NWD2: variants seen among roughly 807,000 people sequenced by gnomAD.
NWD2 encodes the protein NACHT and WD repeat domain-containing protein 2.
Under a neutral mutation model 132.7 loss-of-function variants are expected in NWD2, and 37 were observed. The observed-to-expected ratio is 0.28, with a 90% CI of 0.21 to 0.37. The LOEUF is 0.37. Ranked by LOEUF, NWD2 falls within the 10% of genes least tolerant of loss-of-function variation. The pLI, the probability that NWD2 is intolerant of heterozygous loss-of-function variation, is 1.00. For synonymous variants in NWD2, 705 were observed against 803.0 expected (o/e 0.88, Z 2.06); for missense variants, 1,592 against 2,122.4 (o/e 0.75, Z 4.91).
intron 2 of NWD2, among the ~76,000 whole-genome samples, chr4:37,345,526 G>A (rs553734876): frequency 1.8e-3 from 275 of 152,114 alleles, no homozygotes; most frequent in Non-Finnish European, 2.4e-3. Flanking sequence ...TACTCAGATC[G>A]TTTGCCCATT....
intron 1 of NWD2, among the ~76,000 whole-genome samples, chr4:37,267,056 T>A (rs7653914): frequency 0.26 from 39,013 of 151,748 alleles, 5,522 homozygotes; most frequent in South Asian, 0.38. Context: ...AAAGGACATA[T>A]AGCAAAGAGA....
chr4:37,318,113 C>T (rs1208527324), intron 1 of NWD2, among the ~76,000 whole-genome samples: 2 of 151,252 alleles, frequency 1.3e-5, no homozygotes, highest in Admixed American at 1.3e-4. Context: ...GCAACCTCCA[C>T]CTCCCAAGTT....
chr4:37,380,885 C>G (rs1720439294), intron 3 of NWD2, among the ~76,000 whole-genome samples: 1 of 152,114 alleles, frequency 6.6e-6, no homozygotes, highest in African/African-American at 2.4e-5. Context: ...CTTGATGGAG[C>G]CCAAGAGTTA....
intron 3 of NWD2, among the ~76,000 whole-genome samples, chr4:37,380,651 A>C (rs1374615464): frequency 6.6e-6 from 1 of 152,232 alleles, no homozygotes; most frequent in Admixed American, 6.5e-5. Flanking sequence ...GATTTCATGA[A>C]TAGTCTACAT....
At position 37,389,630 on chromosome 4, in the gene NWD2, G is replaced by A. The variant is rs185479060; in HGVS notation, c.357+33148G>A. The stretch of plus-strand genomic sequence containing the variant: ...TGCCTGCCTCACGGGTGGTAGTGGC[G>A]GTGGTGAAGGGGTCAGAGTGAATAC... On this transcript the variant is annotated intron_variant, in intron 3 of 6. Transcript: ENST00000309447. Among the ~76,000 whole-genome samples, 30 of 152,286 alleles carry A rather than the reference G, an allele frequency of 2.0e-4. No individual in the cohort carries two copies. In the East Asian group the frequency reaches 3.5e-3, roughly 18 times the overall value.
intron 1 of NWD2, among the ~76,000 whole-genome samples, chr4:37,323,105 A>G (rs924337468): frequency 1.3e-5 from 2 of 152,124 alleles, no homozygotes; most frequent in African/African-American, 4.8e-5. Context: ...CCTAAAAAAC[A>G]TGGTAATAAT....
intron 3 of NWD2, among the ~76,000 whole-genome samples, chr4:37,367,390 T>A (rs572753876): frequency 1.3e-5 from 2 of 152,288 alleles, no homozygotes; most frequent in South Asian, 2.1e-4. Context: ...AATCCATTAT[T>A]TGAAATTCAT....
intron 1 of NWD2, among the ~76,000 whole-genome samples, chr4:37,288,776 A>C (rs984957912): frequency 7.4e-4 from 112 of 152,306 alleles, no homozygotes; most frequent in African/African-American, 2.6e-3. Flanking sequence ...AATGGTAAAC[A>C]ATAGATCTGA....
At chr4:37,384,805 C>G (rs575776009) in intron 3 of NWD2, among the ~76,000 whole-genome samples, 2 of 152,336 alleles carry the variant, frequency 1.3e-5, no homozygotes, top group East Asian at 3.9e-4. Context: ...ACAGCCCTAC[C>G]TACATACCAA....
chr4:37,392,093 T>G (rs140244932), intron 3 of NWD2, among the ~76,000 whole-genome samples: 1 of 152,020 alleles, frequency 6.6e-6, no homozygotes, highest in Non-Finnish European at 1.5e-5. Context: ...CCCAGCTACT[T>G]GGGAGGCTGA....
rs141029030 is a variant in NWD2 at position 37,441,932 on chromosome 4, G to A, written c.1297-1353G>A. On this transcript the variant is annotated intron_variant, in intron 6 of 6. Coordinates refer to ENST00000309447, the MANE Select transcript of NWD2 (RefSeq NM_001144990.2). ...ACAGACATCACATGTTCAGCAACAT[G>A]TGACTGGGAGGACGGAGGAGGATGC... is the stretch of plus-strand genomic sequence containing the variant. Among the ~76,000 whole-genome samples, 227 of 152,310 alleles carry A rather than the reference G, an allele frequency of 1.5e-3. 1 individual carries two copies. Among genetic ancestry groups the A allele is most frequent in the African/African-American group, 4.9e-3 (205 of 41,560 alleles).
intron 2 of NWD2, among the ~76,000 whole-genome samples, chr4:37,337,544 C>T (rs1719434315): frequency 1.3e-5 from 2 of 152,186 alleles, no homozygotes; most frequent in African/African-American, 4.8e-5. Flanking sequence ...CAAAGGGGTG[C>T]ATGCTTATCC....
intron 2 of NWD2, among the ~76,000 whole-genome samples, chr4:37,348,656 A>ATG (rs1719692972): frequency 1.5e-5 from 1 of 68,260 alleles, no homozygotes; most frequent in Non-Finnish European, 3.0e-5. Flanking sequence ...ATATATATAT[A>ATG]TATATATATA....
intron 3 of NWD2, among the ~76,000 whole-genome samples, chr4:37,401,381 C>G (rs1252914464): frequency 6.6e-6 from 1 of 152,154 alleles, no homozygotes; most frequent in Non-Finnish European, 1.5e-5. Context: ...GCCCCAGGAT[C>G]TTCTCTGACA....
chr4:37,428,877 A>G (rs1712077565), intron 3 of NWD2, among the ~76,000 whole-genome samples: 1 of 152,190 alleles, frequency 6.6e-6, no homozygotes, highest in Non-Finnish European at 1.5e-5. Flanking sequence ...GATTACAGGC[A>G]CACACCACCA....
chr4:37,374,633 C>G (rs1012377016), intron 3 of NWD2, among the ~76,000 whole-genome samples: 3 of 151,916 alleles, frequency 2.0e-5, no homozygotes, highest in African/African-American at 7.3e-5. Context: ...AGGTCAAAAG[C>G]AAAAATAATT....
At chr4:37,280,701 T>A (rs989243513) in intron 1 of NWD2, among the ~76,000 whole-genome samples, 3 of 152,000 alleles carry the variant, frequency 2.0e-5, no homozygotes, top group Non-Finnish European at 4.4e-5. Flanking sequence ...AGCAAAGCCC[T>A]GAGAGGAATA....
intron 1 of NWD2, among the ~76,000 whole-genome samples, chr4:37,246,821 C>A (rs1432008072): frequency 6.6e-6 from 1 of 152,092 alleles, no homozygotes; most frequent in African/African-American, 2.4e-5. Flanking sequence ...CTTGTGGCTT[C>A]TAAAATACAA....
chr4:37,318,538 C>T lies in NWD2; in HGVS notation c.152-7398C>T, dbSNP rs919120201. Among the ~76,000 whole-genome samples, 5 of 151,988 alleles carry T rather than the reference C, an allele frequency of 3.3e-5. No homozygotes were observed. In the East Asian group the frequency reaches 9.6e-4, roughly 29 times the overall value. ...TTTGTGGTACTATTTATGCCATCAC[C>T]CTAGTACTGATCACAGTGCCCAACA... On this transcript the variant is annotated intron_variant, in intron 1 of 6. Transcript: ENST00000309447.
Sources: allele counts gnomAD v4.1 joint callset (sites outside exome capture counted in the v4.1 genomes callset), GRCh38; gene constraint gnomAD v4.1.1; transcripts MANE v1.5; gene names NCBI Gene and HGNC (gene_info 2026-07-23, HGNC 2026-07-21).